The following TMEM132D variants were observed in gnomAD, a reference collection of about 807,000 sequenced individuals.
The protein encoded by TMEM132D is transmembrane protein 132D, also known as mature OL transmembrane protein.
TMEM132D carries 21 observed loss-of-function variants against 62.3 expected under a neutral mutation model. That is an observed-to-expected ratio of 0.34 (90% CI 0.24 to 0.49). The LOEUF is 0.49. Ranked by LOEUF, TMEM132D falls within the 20% of genes least tolerant of loss-of-function variation. The pLI is 0.99. For missense variants in TMEM132D, 1,346 were observed against 1,402.8 expected, an observed-to-expected ratio of 0.96 and a Z score of 0.65; for synonymous variants, 621 against 575.6, an observed-to-expected ratio of 1.08 and a Z score of -1.13.
intron 1 of TMEM132D, among the ~76,000 whole-genome samples, chr12:129,811,045 T>C (rs1314263615): frequency 1.3e-5 from 2 of 151,878 alleles, no homozygotes; most frequent in African/African-American, 4.8e-5. Context: ...TAACCAGTTA[T>C]AAATGTAAGG....
chr12:129,539,110 G>A (rs1876508520), intron 2 of TMEM132D, among the ~76,000 whole-genome samples: 2 of 152,186 alleles, frequency 1.3e-5, no homozygotes, highest in African/African-American at 4.8e-5. Context: ...TCATGCAGGA[G>A]GGTTGCGAGT....
intron 7 of TMEM132D, among the ~76,000 whole-genome samples, chr12:129,079,048 T>C: frequency 6.6e-6 from 1 of 152,234 alleles, no homozygotes; most frequent in East Asian, 1.9e-4. Flanking sequence ...ATTCGACTAT[T>C]AGCTTTATGA....
intron 3 of TMEM132D, among the ~76,000 whole-genome samples, chr12:129,378,627 T>C (rs1234032135): frequency 6.6e-6 from 1 of 152,200 alleles, no homozygotes; most frequent in Admixed American, 6.5e-5. Context: ...GAAGCACATA[T>C]GGTCACAGCT....
At chr12:129,169,133 C>G (rs1338210302) in intron 5 of TMEM132D, among the ~76,000 whole-genome samples, 1 of 152,210 alleles carries the variant, frequency 6.6e-6, no homozygotes, top group Non-Finnish European at 1.5e-5. Context: ...ATGCAGATCT[C>G]CAGCCCCCAG....
At chr12:129,727,079 A>G (rs1267862672) in intron 1 of TMEM132D, among the ~76,000 whole-genome samples, 1 of 152,270 alleles carries the variant, frequency 6.6e-6, no homozygotes, top group East Asian at 1.9e-4. Context: ...ACAGACACCC[A>G]TGAATTAGAT....
intron 1 of TMEM132D, among the ~76,000 whole-genome samples, chr12:129,828,865 A>G (rs1476340210): frequency 2.0e-5 from 3 of 149,780 alleles, no homozygotes; most frequent in Non-Finnish European, 3.0e-5. Context: ...TAGAGGAAAA[A>G]ATTATTCCAA....
chr12:129,386,962 C>T (rs1228731141), intron 3 of TMEM132D, among the ~76,000 whole-genome samples: 1 of 151,822 alleles, frequency 6.6e-6, no homozygotes, highest in Non-Finnish European at 1.5e-5. Flanking sequence ...ACACCAACAC[C>T]AAAACCACCA....
At chr12:129,850,228 G>T (rs1435262313) in intron 1 of TMEM132D, among the ~76,000 whole-genome samples, 4 of 152,174 alleles carry the variant, frequency 2.6e-5, no homozygotes, top group South Asian at 4.1e-4. Flanking sequence ...GGAAGGACGA[G>T]GAACACGTGA....
At chr12:129,369,994 T>C (rs1343345078) in intron 3 of TMEM132D, among the ~76,000 whole-genome samples, 1 of 152,190 alleles carries the variant, frequency 6.6e-6, no homozygotes, top group Non-Finnish European at 1.5e-5. Context: ...GGGTGGGGGC[T>C]GTGGCCAACT....
At chr12:129,206,780 G>C (rs1481693534) in intron 5 of TMEM132D, among the ~76,000 whole-genome samples, 1 of 152,216 alleles carries the variant, frequency 6.6e-6, no homozygotes, top group African/African-American at 2.4e-5. Context: ...CCATAAAAGA[G>C]AATGAGATCA....
At chr12:129,462,086 A>C (rs1873696161) in intron 3 of TMEM132D, among the ~76,000 whole-genome samples, 1 of 152,240 alleles carries the variant, frequency 6.6e-6, no homozygotes, top group South Asian at 2.1e-4. Context: ...TCTAAATAAT[A>C]GAAAAACCCA....
chr12:129,884,106 A>AT (rs1303993276), intron 1 of TMEM132D, among the ~76,000 whole-genome samples: 5 of 152,242 alleles, frequency 3.3e-5, no homozygotes, highest in South Asian at 2.1e-4. Flanking sequence ...TAATTTCTTG[A>AT]TTTTTTGTAG....
At chr12:129,331,464 A>G (rs1869102571) in intron 4 of TMEM132D, among the ~76,000 whole-genome samples, 1 of 152,132 alleles carries the variant, frequency 6.6e-6, no homozygotes, top group Non-Finnish European at 1.5e-5. Flanking sequence ...CAAGTTTCAG[A>G]TCCATTCTAA....
At chr12:129,138,008 C>T (rs985265914) in intron 5 of TMEM132D, among the ~76,000 whole-genome samples, 10 of 151,894 alleles carry the variant, frequency 6.6e-5, no homozygotes, top group African/African-American at 2.2e-4. Context: ...GCTTAAGGTT[C>T]GAAAGTTTAA....
At chr12:129,663,413 C>T (rs1170566836) in intron 2 of TMEM132D, among the ~76,000 whole-genome samples, 2 of 152,214 alleles carry the variant, frequency 1.3e-5, no homozygotes, top group African/African-American at 4.8e-5. Context: ...ACTGGGATTA[C>T]AGGCATGAGC....
intron 5 of TMEM132D, among the ~76,000 whole-genome samples, chr12:129,108,528 G>A (rs1426148139): frequency 6.6e-6 from 1 of 152,162 alleles, no homozygotes; most frequent in Non-Finnish European, 1.5e-5. Context: ...GGAGGGAGAT[G>A]ACTCGGCTCA....
rs1483789152 is a variant in TMEM132D, at chr12:129,088,130, A to C, written c.1444-3428T>G. Among the ~76,000 whole-genome samples, 69 of 17,856 alleles carry C rather than the reference A, an allele frequency of 3.9e-3. 10 individuals are homozygous for C. The highest frequency in any genetic ancestry group is 0.025 in the Middle Eastern group (1 of 40). 11.7% of individuals were successfully genotyped at this position (17,856 alleles called of 152,430 possible). ...TGTCCTCCCTGACCGGGTGTCCTCCATGACCGGGGTGTCCTCCCTGACCGG... is the reference window on the plus strand; with the variant it reads ...TGTCCTCCCTGACCGGGTGTCCTCCCTGACCGGGGTGTCCTCCCTGACCGG... On this transcript the variant is annotated intron_variant, in intron 5 of 8. Coordinates refer to ENST00000422113, the MANE Select transcript of TMEM132D (RefSeq NM_133448.3).
intron 3 of TMEM132D, among the ~76,000 whole-genome samples, chr12:129,428,271 A>G (rs577013694): frequency 1.3e-5 from 2 of 152,252 alleles, no homozygotes; most frequent in Non-Finnish European, 2.9e-5. Flanking sequence ...TTACATAAAG[A>G]TGTTACAGCA....
At chr12:129,793,326 A>T (rs998643704) in intron 1 of TMEM132D, among the ~76,000 whole-genome samples, 1 of 151,792 alleles carries the variant, frequency 6.6e-6, no homozygotes, top group East Asian at 1.9e-4. Context: ...TTTTTTCCCC[A>T]TGAGATAAAT....
Sources: gnomAD v4.1 joint callset for allele counts (sites outside exome capture counted in the v4.1 genomes callset) on GRCh38, gnomAD v4.1.1 for gene constraint, MANE v1.5 for transcripts, NCBI Gene and HGNC (gene_info 2026-07-23, HGNC 2026-07-21) for gene names.